Variants in NFATC2 observed in about 807,000 individuals in gnomAD.
NFATC2 encodes the protein nuclear factor of activated T-cells, cytoplasmic 2.
Under a neutral mutation model 87.3 loss-of-function variants are expected in NFATC2, and 22 were observed. The ratio of observed to expected loss-of-function variants is 0.25; its 90% confidence interval spans 0.18 to 0.36. The LOEUF is 0.36. Among genes scored for constraint, NFATC2 ranks in the 10% least tolerant of loss-of-function variants. NFATC2 has a pLI of 1.00. For synonymous variants in NFATC2, 565 were observed against 542.2 expected (o/e 1.04, Z -0.58); for missense variants, 1,149 against 1,259.1 (o/e 0.91, Z 1.32).
At chr20:51,542,844 G>C (rs1409777315), upstream of NFATC2, 11 of 520,384 alleles carry the variant, frequency 2.1e-5, no homozygotes, top group Admixed American at 6.3e-5. Context: ...CGCGCGGCCT[G>C]GGCTGGCCGG....
At position 51,523,200 on chromosome 20, in the gene NFATC2, C is replaced by T. The variant is rs946463588; in HGVS notation, c.1041G>A (p.Pro347=). Residue 347 remains proline (P), a synonymous_variant, in exon 2 of 11, where the codon CCG becomes CCA. Transcript: ENST00000371564. The surrounding 1 kb of genome is among the most constrained non-coding windows in gnomAD (Gnocchi z 6.9). The part of the protein sequence containing the change: ...SKAGLPRHIY[P]AVEFLGPCEQ... Reference sequence around the variant, plus strand: ...CGCAGGGCCCCAGGAACTCCACGGCCGGGTAGATGTGGCGAGGCAGGCCGG... The same window carrying T: ...CGCAGGGCCCCAGGAACTCCACGGCTGGGTAGATGTGGCGAGGCAGGCCGG... 4.3e-5 allele frequency: 69 copies of T among 1,613,956 alleles called. No individual in the cohort carries two copies. The highest frequency in any genetic ancestry group is 5.0e-5 in the Non-Finnish European group (59 of 1,179,962).
intron 5 of NFATC2, among the ~76,000 whole-genome samples, chr20:51,462,205 C>T (rs1014072627): frequency 6.6e-6 from 1 of 150,642 alleles, no homozygotes; most frequent in African/African-American, 2.4e-5. Flanking sequence ...GAGGCTGAGG[C>T]TGGCAGATCA....
chr20:51,396,062 A>G (rs1322743450), intron 10 of NFATC2, among the ~76,000 whole-genome samples: 3 of 15,030 alleles, frequency 2.0e-4, no homozygotes, highest in South Asian at 3.1e-3. Context: ...ATATATATAT[A>G]TATATATATA....
intron 3 of NFATC2, among the ~76,000 whole-genome samples, chr20:51,490,194 T>C (rs1018782715): frequency 1.3e-5 from 2 of 152,260 alleles, no homozygotes; most frequent in Admixed American, 1.3e-4. Flanking sequence ...TGATGTATGA[T>C]ATCTATCAAT....
At chr20:51,535,691 C>G (rs564616613) in intron 1 of NFATC2, among the ~76,000 whole-genome samples, 1 of 152,360 alleles carries the variant, frequency 6.6e-6, no homozygotes, top group South Asian at 2.1e-4. Flanking sequence ...TACAGGTAAA[C>G]AGCCCCTTTC....
intron 3 of NFATC2, among the ~76,000 whole-genome samples, chr20:51,490,248 G>A (rs1002689981): frequency 2.0e-5 from 3 of 152,288 alleles, no homozygotes; most frequent in Non-Finnish European, 2.9e-5. Context: ...CGCTATGAGA[G>A]AGGTATTATA....
chr20:51,561,556 A>C, intron 1 of NFATC2, among the ~76,000 whole-genome samples: 1 of 150,804 alleles, frequency 6.6e-6, no homozygotes, highest in Non-Finnish European at 1.5e-5. Context: ...ATTTACTGAA[A>C]TTGTCATTTC....
In NFATC2 at chr20:51,432,433, C is replaced by T; in HGVS notation, c.2356G>A (p.Val786Met). The T allele has an allele frequency of 6.3e-7, 1 of 1,585,862 alleles. No individual in the cohort carries two copies. The change falls in exon 9 of 11, where the codon GTG becomes ATG. Residue 786 changes from valine (V) to methionine (M), a missense_variant. By Grantham distance (21) the Val-to-Met change is conservative (BLOSUM62 1). Transcript: ENST00000371564. The surrounding 1 kb of genome is among the most constrained non-coding windows in gnomAD (Gnocchi z 4.6). ...CTCTGGCCCTGGGAGCCGGCGTGCA[C>T]CAGCACAGAGCGGTGAGCGTCCGCA... ...SLADAHRSVLVHAGSQGQSSA... is the reference protein window; with the variant it reads ...SLADAHRSVLMHAGSQGQSSA...
chr20:51,492,643 C>T (rs777091324), intron 3 of NFATC2, among the ~76,000 whole-genome samples: 7 of 152,220 alleles, frequency 4.6e-5, no homozygotes, highest in Non-Finnish European at 1.0e-4. Flanking sequence ...CCCGCCCGGG[C>T]CCGCTCCCAC....
intron 3 of NFATC2, among the ~76,000 whole-genome samples, chr20:51,515,622 C>T (rs1237134201): frequency 6.6e-6 from 1 of 151,382 alleles, no homozygotes; most frequent in African/African-American, 2.4e-5. Flanking sequence ...AAATGGGACT[C>T]ATGGTCAAGA....
intron 5 of NFATC2, among the ~76,000 whole-genome samples, chr20:51,472,357 T>C (rs574333966): frequency 6.6e-6 from 1 of 152,284 alleles, no homozygotes; most frequent in Non-Finnish European, 1.5e-5. Context: ...ATTTAGATAG[T>C]GAATGTCCCC....
rs115846082 is a variant in NFATC2, at chr20:51,406,241, C to T, written c.2723-7511G>A. On this transcript the variant is annotated intron_variant, in intron 9 of 10. Transcript: ENST00000371564. ...CTCAGGCTACTTGTAGATAGAAATT[C>T]GTTTTCACTTACCACCTGGCAACAA... Among the ~76,000 whole-genome samples, 1,278 of 152,298 alleles carry T rather than the reference C, an allele frequency of 8.4e-3. 22 individuals are homozygous for T. Among genetic ancestry groups the T allele is most frequent in the African/African-American group, 0.029 (1,205 of 41,538 alleles).
chr20:51,523,941 C>T lies in NFATC2; in HGVS notation c.300G>A (p.Ala100=), dbSNP rs747950928. 2.5e-6 allele frequency: 4 copies of T among 1,595,682 alleles called. No individual in the cohort carries two copies. The highest frequency in any genetic ancestry group is 3.4e-6 in the Non-Finnish European group (4 of 1,175,094). Residue 100 remains alanine (A), a synonymous_variant, in exon 2 of 11, where the codon GCG becomes GCA. Transcript: ENST00000371564. This position sits in a 1 kb window ranked among gnomAD's most constrained non-coding sequence, Gnocchi z 6.9. The part of the protein sequence containing the change: ...DRVGPQKFLS[A]AKPAGASGLS... Reference sequence around the variant, plus strand: ...GGCCCGAGGCCCCTGCTGGCTTGGCCGCGCTCAGAAACTTCTGCGGCCCTA... The same window carrying T: ...GGCCCGAGGCCCCTGCTGGCTTGGCTGCGCTCAGAAACTTCTGCGGCCCTA...
intron 9 of NFATC2, among the ~76,000 whole-genome samples, chr20:51,420,045 C>T (rs1980651097): frequency 6.7e-6 from 1 of 148,996 alleles, no homozygotes; most frequent in Non-Finnish European, 1.5e-5. Context: ...ACACAAACAA[C>T]CGTAATGGAT....
Position 51,432,079 on chromosome 20 carries a change from A to G in NFATC2, c.2710T>C (p.Tyr904His). 1 of 1,524,334 alleles carries G rather than the reference A, an allele frequency of 6.6e-7. No homozygotes were observed. 94.4% of individuals were successfully genotyped at this position (1,524,334 alleles called of 1,614,324 possible). Residue 904 changes from tyrosine to histidine, a missense_variant, in exon 9 of 11, where the codon TAC becomes CAC. Tyr to His is a moderately conservative substitution (Grantham distance 83). Coordinates refer to ENST00000371564, the MANE Select transcript of NFATC2 (RefSeq NM_012340.5). This position sits in a 1 kb window ranked among gnomAD's most constrained non-coding sequence, Gnocchi z 4.6. ...TCAAGCGTCTTACCATCATCCAAGTAGGTCTGGTCCAAGTTCTGCTCCTGT... is the reference window on the plus strand; with the variant it reads ...TCAAGCGTCTTACCATCATCCAAGTGGGTCTGGTCCAAGTTCTGCTCCTGT... ...IKQEQNLDQT[Y>H]LDDELIDTHL... is the part of the protein sequence containing the mutation.
At chr20:51,411,385 C>T (rs1979198189) in intron 9 of NFATC2, among the ~76,000 whole-genome samples, 1 of 152,044 alleles carries the variant, frequency 6.6e-6, no homozygotes, top group Non-Finnish European at 1.5e-5. Flanking sequence ...ATTATTTCTC[C>T]TGCCCATACT....
intron 1 of NFATC2, among the ~76,000 whole-genome samples, chr20:51,540,667 T>TTTTTTGTTTGTTTG (rs1555818370): frequency 0.017 from 2,459 of 147,158 alleles, 38 homozygotes; most frequent in Non-Finnish European, 0.027. Flanking sequence ...TGTTTTTTTT[T>TTTTTTGTTTGTTTG]TTTTGAGAAA....
Position 51,562,408 on chromosome 20 carries a change from C to A in NFATC2, c.70+152G>T, listed in dbSNP as rs1176293693. On this transcript the variant is annotated intron_variant, in intron 1 of 10. Transcript: ENST00000414705. The surrounding 1 kb of genome is among the most constrained non-coding windows in gnomAD (Gnocchi z 5.8). ...CGGGGCGCGGGCGCCCCTCCGCGGG[C>A]CCCGCTACCTGTGCGCCGAGGGCGA... Among the ~76,000 whole-genome samples, 1 of 152,210 alleles carries A rather than the reference C, an allele frequency of 6.6e-6. No individual in the cohort carries two copies. Among genetic ancestry groups the A allele is most frequent in the East Asian group, 1.9e-4 (1 of 5,166 alleles).
At chr20:51,458,741 G>A (rs1185766583) in intron 5 of NFATC2, among the ~76,000 whole-genome samples, 1 of 152,098 alleles carries the variant, frequency 6.6e-6, no homozygotes, top group Admixed American at 6.6e-5. Flanking sequence ...TTGAACCGGG[G>A]AGGCGGAGGT....
Sources: gnomAD v4.1 joint callset for allele counts (sites outside exome capture counted in the v4.1 genomes callset) on GRCh38, gnomAD v4.1.1 for gene constraint, Gnocchi (gnomAD v3.1) non-coding constraint, MANE v1.5 for transcripts, NCBI Gene and HGNC (gene_info 2026-07-23, HGNC 2026-07-21) for gene names.